The following PRKCA variants were observed in gnomAD, a reference collection of about 807,000 sequenced individuals.
PRKCA encodes the protein protein kinase C alpha type.
A neutral mutation model predicts 87.0 loss-of-function variants in PRKCA; 27 were observed. The ratio of observed to expected loss-of-function variants is 0.31; its 90% CI spans 0.23 to 0.43. The LOEUF is 0.43. PRKCA is among the 20% of genes least tolerant of loss of function. PRKCA has a pLI of 1.00. For synonymous variants in PRKCA, 329 were observed against 311.1 expected, an observed-to-expected ratio of 1.06 and a Z score of -0.61; for missense variants, 518 against 852.3, an observed-to-expected ratio of 0.61 and a Z score of 4.88.
chr17:66,415,006 ATAACGTT>A (rs1180930583), intron 2 of PRKCA: 3 of 152,160 alleles, frequency 2.0e-5, no homozygotes, highest in African/African-American at 7.2e-5. Flanking sequence ...CGCCAACATG[ATAACGTT>A]TATCTCTCGG....
intron 2 of PRKCA, among the ~76,000 whole-genome samples, chr17:66,410,511 G>T (rs1380901202): frequency 1.3e-5 from 2 of 152,054 alleles, no homozygotes; most frequent in African/African-American, 2.4e-5. Context: ...TGTTATTTTT[G>T]GTTTCTGAGA....
chr17:66,810,647 TG>T lies in PRKCA; in HGVS notation c.*6611del, dbSNP rs1167638164. 6.6e-6 allele frequency: 1 copy of T among 152,186 alleles called. No individual in the cohort carries two copies. The highest frequency in any genetic ancestry group is 1.5e-5 in the Non-Finnish European group (1 of 68,032). 9.4% of individuals were successfully genotyped at this position (152,186 alleles called of 1,614,324 possible). On this transcript the variant is annotated 3_prime_UTR_variant, in exon 17 of 17. Coordinates refer to ENST00000413366, the MANE Select transcript of PRKCA (RefSeq NM_002737.3). ...TACTGCATTGCTTTTTTTTTCAGTT[TG>T]TATAACCTCTAATCTCCGTTTGCAT... is the stretch of plus-strand genomic sequence containing the variant.
intron 5 of PRKCA, among the ~76,000 whole-genome samples, chr17:66,664,033 A>G (rs1012634114): frequency 2.0e-5 from 3 of 151,688 alleles, no homozygotes; most frequent in Non-Finnish European, 2.9e-5. Flanking sequence ...ACGCCCTGCT[A>G]ATTTTTGTAT....
At chr17:66,552,737 T>C (rs535835196) in intron 3 of PRKCA, among the ~76,000 whole-genome samples, 1 of 152,262 alleles carries the variant, frequency 6.6e-6, no homozygotes, top group South Asian at 2.1e-4. Context: ...CCATAGTCTG[T>C]TCATTTGAAG....
At chr17:66,496,067 C>T in intron 2 of PRKCA, 134 bp from the exon 3 acceptor site, 1 of 683,624 alleles carries the variant, frequency 1.5e-6, no homozygotes, top group Non-Finnish European at 2.5e-6. Context: ...GAAATGCCTT[C>T]TGATTGCTGT....
At chr17:66,647,581 A>G (rs572037658) in intron 5 of PRKCA, among the ~76,000 whole-genome samples, 15 of 152,322 alleles carry the variant, frequency 9.8e-5, no homozygotes, top group East Asian at 3.9e-4. Context: ...AGTATCTCCT[A>G]TAAACCTCAA....
chr17:66,602,289 C>G (rs1358366874), intron 3 of PRKCA, among the ~76,000 whole-genome samples: 4 of 118,944 alleles, frequency 3.4e-5, no homozygotes, highest in Non-Finnish European at 6.9e-5. Context: ...TTTCTTAAGC[C>G]GGTCTGAAAA....
chr17:66,515,288 AAG>A (rs1555613217), intron 3 of PRKCA, among the ~76,000 whole-genome samples: 1 of 151,548 alleles, frequency 6.6e-6, no homozygotes, highest in Non-Finnish European at 1.5e-5. Flanking sequence ...AAAAAAAAAA[AAG>A]AAGGGAATGA....
At chr17:66,739,402 G>A (rs1387809749) in intron 11 of PRKCA, among the ~76,000 whole-genome samples, 2 of 152,182 alleles carry the variant, frequency 1.3e-5, no homozygotes, top group African/African-American at 4.8e-5. Context: ...CCTTGTTGAT[G>A]GAGTTATTCT....
intron 3 of PRKCA, among the ~76,000 whole-genome samples, chr17:66,604,207 A>C (rs957382086): frequency 6.6e-6 from 1 of 152,122 alleles, no homozygotes; most frequent in Non-Finnish European, 1.5e-5. Context: ...ATAGCTCTAA[A>C]TAAGAACTTG....
intron 2 of PRKCA, among the ~76,000 whole-genome samples, chr17:66,360,526 T>C (rs576777329): frequency 6.6e-6 from 1 of 152,292 alleles, no homozygotes; most frequent in African/African-American, 2.4e-5. Context: ...GGGGAGGCCA[T>C]GGATTGGAAG....
At chr17:66,801,261 T>C (rs1975891779) in intron 16 of PRKCA, among the ~76,000 whole-genome samples, 2 of 152,188 alleles carry the variant, frequency 1.3e-5, no homozygotes, top group Non-Finnish European at 2.9e-5. Context: ...ACTGTTGACA[T>C]CTTGAGCCAG....
intron 2 of PRKCA, among the ~76,000 whole-genome samples, chr17:66,338,006 C>A (rs192939209): frequency 1.3e-5 from 2 of 151,028 alleles, no homozygotes; most frequent in East Asian, 1.9e-4. Flanking sequence ...ATCTTCCCCC[C>A]CCTCCGCCCC....
intron 2 of PRKCA, among the ~76,000 whole-genome samples, chr17:66,446,224 T>C (rs1023267004): frequency 4.3e-5 from 6 of 140,954 alleles, no homozygotes; most frequent in African/African-American, 1.5e-4. Context: ...TATGAAATGA[T>C]AGACTCTCTT....
At chr17:66,330,871 G>A (rs923462011) in intron 2 of PRKCA, among the ~76,000 whole-genome samples, 1 of 152,190 alleles carries the variant, frequency 6.6e-6, no homozygotes, top group African/African-American at 2.4e-5. Context: ...TCCCAGTAGG[G>A]ATGAATAAAG....
chr17:66,418,529 G>A (rs1455197628), intron 2 of PRKCA, among the ~76,000 whole-genome samples: 3 of 150,712 alleles, frequency 2.0e-5, no homozygotes, highest in African/African-American at 7.3e-5. Context: ...TCTGCCTCCC[G>A]GGCTCAAGCA....
intron 1 of PRKCA, among the ~76,000 whole-genome samples, chr17:66,304,901 A>G (rs1253160839): frequency 6.6e-6 from 1 of 152,164 alleles, no homozygotes; most frequent in Non-Finnish European, 1.5e-5. Flanking sequence ...GTGAGAGTCC[A>G]TTAAAAGGGA....
chr17:66,750,907 G>A (rs1372109533), intron 13 of PRKCA, among the ~76,000 whole-genome samples: 1 of 152,192 alleles, frequency 6.6e-6, no homozygotes, highest in East Asian at 1.9e-4. Context: ...GGGAGGAAGG[G>A]CCTGCAGACA....
chr17:66,745,636 G>A (rs928395742), intron 13 of PRKCA, among the ~76,000 whole-genome samples: 3 of 152,136 alleles, frequency 2.0e-5, no homozygotes, highest in Admixed American at 6.5e-5. Flanking sequence ...AGCTAAGATC[G>A]TGCCACTGCA....
Sources: gnomAD v4.1 joint callset for allele counts (sites outside exome capture counted in the v4.1 genomes callset) on GRCh38, gnomAD v4.1.1 for gene constraint, MANE v1.5 for transcripts, NCBI Gene and HGNC (gene_info 2026-07-23, HGNC 2026-07-21) for gene names.